AGBL4: variants seen among roughly 807,000 people sequenced by gnomAD.
AGBL4 encodes the protein cytosolic carboxypeptidase 6.
AGBL4 carries 58 observed loss-of-function variants against 66.4 expected under a neutral mutation model. That is an observed-to-expected ratio of 0.87 (90% CI 0.71 to 1.09). The LOEUF is 1.09. Among genes scored for constraint, AGBL4 ranks in the 50% least tolerant of loss-of-function variants. The pLI is 0.00. For missense variants in AGBL4, 579 were observed against 631.0 expected, an observed-to-expected ratio of 0.92 and a Z score of 0.88; for synonymous variants, 234 against 222.9, an observed-to-expected ratio of 1.05 and a Z score of -0.44.
chr1:49,123,088 C>T (rs376049229), intron 4 of AGBL4, among the ~76,000 whole-genome samples: 6 of 152,084 alleles, frequency 3.9e-5, no homozygotes, highest in Non-Finnish European at 7.4e-5. Flanking sequence ...CTCCTGACCT[C>T]GTGATCTGCC....
In AGBL4 at chr1:49,080,369, G is replaced by A. The variant is rs900282242; in HGVS notation, c.378-34569C>T. 2.0e-5 allele frequency among the ~76,000 whole-genome samples: 3 copies of A among 152,144 alleles called. 1 individual carries two copies. Among genetic ancestry groups the A allele is most frequent in the Middle Eastern group, 6.8e-3 (2 of 292 alleles). The stretch of plus-strand genomic sequence containing the variant: ...GCATAAAGAGAAAAGGGAAAGAGGG[G>A]CTACCAGGCTCTATAAGCTGAGGCG... On this transcript the variant is annotated intron_variant, in intron 4 of 13. Transcript: ENST00000371839.
intron 1 of AGBL4, chr1:50,017,588 T>C (rs1412618070): frequency 1.3e-5 from 2 of 152,016 alleles, no homozygotes; most frequent in Admixed American, 6.6e-5. Flanking sequence ...TGCAGCAACA[T>C]AGGTGGAGCT....
chr1:49,166,661 T>C (rs1646641177), intron 4 of AGBL4, among the ~76,000 whole-genome samples: 1 of 152,162 alleles, frequency 6.6e-6, no homozygotes, highest in African/African-American at 2.4e-5. Flanking sequence ...CCACTAGTCC[T>C]CTTTACATCC....
intron 1 of AGBL4, among the ~76,000 whole-genome samples, chr1:49,915,637 T>G (rs1251194284): frequency 6.6e-6 from 1 of 152,286 alleles, no homozygotes; most frequent in African/African-American, 2.4e-5. Context: ...CTGACTGCCT[T>G]TGTAGACGCC....
intron 4 of AGBL4, among the ~76,000 whole-genome samples, chr1:49,110,413 C>G (rs1248388180): frequency 1.3e-5 from 2 of 152,110 alleles, no homozygotes; most frequent in East Asian, 3.9e-4. Flanking sequence ...TCATTTTTTT[C>G]TCTAAAAAAA....
rs1340203430 is a variant in AGBL4 at position 49,829,361 on chromosome 1, T to C, written c.157+22035A>G. 3.9e-5 allele frequency among the ~76,000 whole-genome samples: 6 copies of C among 152,220 alleles called. No homozygotes were observed. In the South Asian group the frequency reaches 1.0e-3, roughly 26 times the overall value. On this transcript the variant is annotated intron_variant, in intron 2 of 13. Coordinates refer to ENST00000371839, the MANE Select transcript of AGBL4 (RefSeq NM_032785.4). ...GTCCGAGACAGGGGGAGAATGAAGA[T>C]GTTGTAATCACAGCTGCCAGGGTAA... is the stretch of plus-strand genomic sequence containing the variant.
At chr1:50,002,658 C>T (rs1372459585) in intron 1 of AGBL4, among the ~76,000 whole-genome samples, 13 of 152,064 alleles carry the variant, frequency 8.5e-5, no homozygotes, top group Non-Finnish European at 1.5e-4. Context: ...CGTGAGCCAC[C>T]GCGCCCGGCC....
chr1:48,921,171 G>C (rs949608166), intron 5 of AGBL4, among the ~76,000 whole-genome samples: 1 of 152,194 alleles, frequency 6.6e-6, no homozygotes, highest in Non-Finnish European at 1.5e-5. Context: ...TGGGGAGAGG[G>C]GGAGGGGAAG....
At chr1:49,373,409 A>C (rs539324167) in intron 3 of AGBL4, among the ~76,000 whole-genome samples, 257 of 152,276 alleles carry the variant, frequency 1.7e-3, no homozygotes, top group African/African-American at 5.6e-3. Flanking sequence ...AATTTAAAAC[A>C]ATGGGTTTTC....
chr1:49,421,325 T>C (rs1645541811), intron 3 of AGBL4, among the ~76,000 whole-genome samples: 1 of 151,292 alleles, frequency 6.6e-6, no homozygotes, highest in Non-Finnish European at 1.5e-5. Flanking sequence ...AAAATGACTC[T>C]GTTGTCTTCA....
chr1:49,424,727 C>T (rs553160459), intron 3 of AGBL4, among the ~76,000 whole-genome samples: 1 of 152,170 alleles, frequency 6.6e-6, no homozygotes, highest in Non-Finnish European at 1.5e-5. Flanking sequence ...ACAATGCATG[C>T]TCTTATTTAT....
At chr1:49,520,202 C>T (rs1650145699) in intron 3 of AGBL4, among the ~76,000 whole-genome samples, 1 of 151,954 alleles carries the variant, frequency 6.6e-6, no homozygotes, top group Non-Finnish European at 1.5e-5. Context: ...ATTTAACTTC[C>T]TCCTCTGGTT....
At chr1:48,911,637 A>T (rs922182194) in intron 5 of AGBL4, among the ~76,000 whole-genome samples, 1 of 151,910 alleles carries the variant, frequency 6.6e-6, no homozygotes, top group African/African-American at 2.4e-5. Context: ...AAAAAAAAAA[A>T]AATCATAAGG....
rs1168549087 is a variant in AGBL4 at position 49,653,503 on chromosome 1, TG to T, written c.282+43809del. On this transcript the variant is annotated intron_variant, in intron 3 of 13. Transcript: ENST00000371839. ...ATTGGAAGAAGTAGGCTTCAGAAGA[TG>T]GGTAATAACAAACTTTACTAGCTAA... 1.1e-4 allele frequency among the ~76,000 whole-genome samples: 17 copies of T among 152,072 alleles called. 1 individual carries two copies. The East Asian group carries it at 3.3e-3, about 30-fold the overall frequency.
At chr1:49,955,087 T>C (rs1656482880) in intron 1 of AGBL4, among the ~76,000 whole-genome samples, 1 of 151,944 alleles carries the variant, frequency 6.6e-6, no homozygotes, top group Admixed American at 6.6e-5. Context: ...TAAGAGTATA[T>C]AAGACCCAAC....
At chr1:49,953,713 A>T (rs939641941) in intron 1 of AGBL4, among the ~76,000 whole-genome samples, 1 of 151,940 alleles carries the variant, frequency 6.6e-6, no homozygotes, top group Non-Finnish European at 1.5e-5. Flanking sequence ...AAAAAAAAAA[A>T]TCAGAAATCT....
intron 8 of AGBL4, among the ~76,000 whole-genome samples, chr1:48,639,764 G>GGTAT (rs1160203176): frequency 6.6e-6 from 1 of 152,158 alleles, no homozygotes; most frequent in Non-Finnish European, 1.5e-5. Context: ...CCAGGCAAAG[G>GGTAT]GTATAGCATG....
At chr1:49,039,957 A>C (rs1455819571) in intron 5 of AGBL4, among the ~76,000 whole-genome samples, 2 of 152,098 alleles carry the variant, frequency 1.3e-5, no homozygotes, top group East Asian at 3.8e-4. Context: ...AATAGCACCA[A>C]AAGCATAATC....
intron 3 of AGBL4, among the ~76,000 whole-genome samples, chr1:49,578,860 A>T (rs945628908): frequency 2.0e-5 from 3 of 152,144 alleles, no homozygotes; most frequent in African/African-American, 2.4e-5. Flanking sequence ...TGCCAACTTG[A>T]TTGAATTGAA....
Sources: gnomAD v4.1 joint callset for allele counts (sites outside exome capture counted in the v4.1 genomes callset) on GRCh38, gnomAD v4.1.1 for gene constraint, MANE v1.5 for transcripts, NCBI Gene and HGNC (gene_info 2026-07-23, HGNC 2026-07-21) for gene names.